The following DLGAP4 variants were observed in gnomAD, a reference collection of about 807,000 sequenced individuals.
DLGAP4 encodes the protein disks large-associated protein 4.
DLGAP4 carries 18 observed loss-of-function variants against 86.9 expected under a neutral mutation model. That is an observed-to-expected ratio of 0.21 (90% confidence interval 0.14 to 0.31). The LOEUF (loss-of-function observed/expected upper bound fraction) is 0.31, where lower values mean the gene tolerates loss of function less well. Among genes scored for constraint, DLGAP4 ranks in the 10% least tolerant of loss-of-function variants. DLGAP4 has a pLI of 1.00. For synonymous variants in DLGAP4, 548 were observed against 574.3 expected, an observed-to-expected ratio of 0.95 and a Z score of 0.65; for missense variants, 1,085 against 1,362.6, an observed-to-expected ratio of 0.80 and a Z score of 3.21.
intron 1 of DLGAP4, among the ~76,000 whole-genome samples, chr20:36,352,247 C>A (rs1215627998): frequency 6.6e-6 from 1 of 152,066 alleles, no homozygotes; most frequent in East Asian, 1.9e-4. Context: ...GGGACCAGAC[C>A]TTGTGGGGCC....
In DLGAP4 at chr20:36,431,664, G is replaced by A. The variant is rs2033133136; in HGVS notation, c.-54G>A. On this transcript the variant is annotated 5_prime_UTR_variant, in exon 3 of 13. Coordinates refer to ENST00000339266, the MANE Select transcript of DLGAP4 (RefSeq NM_001365621.2). The surrounding 1 kb of genome is among the most constrained non-coding windows in gnomAD (Gnocchi z 5.1). Reference sequence around the variant, plus strand: ...TCCCTAGGATAGCTGCCGCCCGGGAGAGGTGACCCGGGCGCCCTGCTAGGG... The same window carrying A: ...TCCCTAGGATAGCTGCCGCCCGGGAAAGGTGACCCGGGCGCCCTGCTAGGG... 2.0e-6 allele frequency: 3 copies of A among 1,513,290 alleles called. No homozygotes were observed. Among genetic ancestry groups the A allele is most frequent in the Non-Finnish European group, 2.7e-6 (3 of 1,130,238 alleles). The allele number at this position is 1,513,290 out of a possible 1,614,324, so 93.7% of individuals were successfully genotyped here.
chr20:36,322,619 A>G (rs903559265), intron 1 of DLGAP4, among the ~76,000 whole-genome samples: 13 of 152,192 alleles, frequency 8.5e-5, no homozygotes, highest in Non-Finnish European at 1.8e-4. Context: ...GGTAGCTCAT[A>G]TAATGTCACA....
chr20:36,468,193 C>T (rs1332638955), intron 7 of DLGAP4, among the ~76,000 whole-genome samples: 1 of 152,204 alleles, frequency 6.6e-6, no homozygotes, highest in Non-Finnish European at 1.5e-5. Context: ...TGAGAAGGTT[C>T]CGGAGTTGTG....
intron 4 of DLGAP4, among the ~76,000 whole-genome samples, chr20:36,436,682 G>A (rs1346018957): frequency 4.6e-5 from 7 of 152,138 alleles, no homozygotes; most frequent in South Asian, 2.1e-4. Flanking sequence ...CTGGGTTGGC[G>A]GCAGGCGCCT....
At chr20:36,342,434 C>T (rs1439208310) in intron 1 of DLGAP4, among the ~76,000 whole-genome samples, 1 of 152,160 alleles carries the variant, frequency 6.6e-6, no homozygotes, top group Non-Finnish European at 1.5e-5. Flanking sequence ...GGGCTGGAGG[C>T]CTCAGCCCAG....
rs1003998611 is a variant in DLGAP4 at position 36,483,554 on chromosome 20, A to T, written c.1649-13151A>T. ...TAACATGTGGGAATTCTGTACAGAG[A>T]AAAAAGGGGAAATGGGGCTGTTCTG... On this transcript the variant is annotated intron_variant, in intron 7 of 12. Transcript: ENST00000339266. Among the ~76,000 whole-genome samples, 7 of 152,320 alleles carry T rather than the reference A, an allele frequency of 4.6e-5. No individual in the cohort carries two copies. The East Asian group carries it at 1.3e-3, about 29-fold the overall frequency.
At chr20:36,342,737 G>A (rs1297319764) in intron 1 of DLGAP4, among the ~76,000 whole-genome samples, 1 of 152,220 alleles carries the variant, frequency 6.6e-6, no homozygotes, top group African/African-American at 2.4e-5. Flanking sequence ...GGCCCATGGA[G>A]GGGCCTTTGC....
chr20:36,380,673 G>T (rs558856778), intron 2 of DLGAP4, among the ~76,000 whole-genome samples: 1 of 147,918 alleles, frequency 6.8e-6, no homozygotes, highest in Admixed American at 6.8e-5. Context: ...GAATCTCAGA[G>T]GCAGGCAGGC....
intron 5 of DLGAP4, among the ~76,000 whole-genome samples, chr20:36,440,974 C>A (rs1165788844): frequency 6.6e-6 from 1 of 152,128 alleles, no homozygotes; most frequent in Non-Finnish European, 1.5e-5. Context: ...CTTCCCCAGC[C>A]CCTCAGACAT....
At chr20:36,488,435 C>CT (rs1346892260) in intron 7 of DLGAP4, among the ~76,000 whole-genome samples, 1 of 152,156 alleles carries the variant, frequency 6.6e-6, no homozygotes, top group Non-Finnish European at 1.5e-5. Context: ...TTCTCATTCA[C>CT]TGTAGTTATG....
Position 36,436,234 on chromosome 20 carries a change from C to T in DLGAP4, c.1125C>T (p.Asp375=). The T allele has an allele frequency of 6.2e-7, 1 of 1,605,572 alleles. No homozygotes were observed. ...GCAGCTACATCAAGGCCATGGGCGACGAGGACAGCGACGAGTCCGGCGGCA... is the reference window on the plus strand; with the variant it reads ...GCAGCTACATCAAGGCCATGGGCGATGAGGACAGCGACGAGTCCGGCGGCA... ...RSGSYIKAMG[D]EDSDESGGSP... The change falls in exon 4 of 13, where the codon GAC becomes GAT. Residue 375 remains aspartate, a synonymous_variant. Transcript: ENST00000339266.
In DLGAP4 at chr20:36,350,142, C is replaced by T. The variant is rs1426731428; in HGVS notation, c.-303-16903C>T. On this transcript the variant is annotated intron_variant, in intron 1 of 12. Coordinates refer to ENST00000339266, the MANE Select transcript of DLGAP4 (RefSeq NM_001365621.2). The surrounding 1 kb of genome is among the most constrained non-coding windows in gnomAD (Gnocchi z 4.4). ...TAGAGGAGGTGCCATGGGGACAGGACGGGGATCTGCACAGGGACCCAGAAG... is the reference window on the plus strand; with the variant it reads ...TAGAGGAGGTGCCATGGGGACAGGATGGGGATCTGCACAGGGACCCAGAAG... Among the ~76,000 whole-genome samples, 1 of 152,180 alleles carries T rather than the reference C, an allele frequency of 6.6e-6. No individual in the cohort carries two copies. Among genetic ancestry groups the T allele is most frequent in the Admixed American group, 6.5e-5 (1 of 15,280 alleles).
At chr20:36,386,331 C>G (rs1040266038) in intron 2 of DLGAP4, among the ~76,000 whole-genome samples, 1 of 151,328 alleles carries the variant, frequency 6.6e-6, no homozygotes. Flanking sequence ...CAGCACCTGT[C>G]AGCACAGAGC....
chr20:36,449,924 T>G (rs572068981), intron 7 of DLGAP4, among the ~76,000 whole-genome samples: 1 of 152,368 alleles, frequency 6.6e-6, no homozygotes, highest in Admixed American at 6.5e-5. Context: ...CTGCTCCACA[T>G]GTCTTTCATC....
intron 1 of DLGAP4, among the ~76,000 whole-genome samples, chr20:36,315,040 G>GTGTT (rs2065084671): frequency 2.0e-3 from 6 of 3,038 alleles, no homozygotes; most frequent in Middle Eastern, 0.12. Flanking sequence ...ATGTGTGTGT[G>GTGTT]GTGTGTTGCG....
intron 7 of DLGAP4, among the ~76,000 whole-genome samples, chr20:36,459,187 G>A (rs1249062893): frequency 2.0e-5 from 3 of 152,168 alleles, no homozygotes; most frequent in Admixed American, 2.0e-4. Context: ...CAGCCAGACT[G>A]GGGAGCTCTT....
intron 2 of DLGAP4, among the ~76,000 whole-genome samples, chr20:36,395,488 A>G (rs1449598371): frequency 6.6e-6 from 1 of 152,004 alleles, no homozygotes; most frequent in Non-Finnish European, 1.5e-5. Flanking sequence ...TATCACAGTC[A>G]GCACTGCCTT....
rs556666712 is a variant in DLGAP4, at chr20:36,524,490, G to A, written c.2604+149G>A. The A allele has an allele frequency of 1.1e-5, 7 of 653,622 alleles. No individual in the cohort carries two copies. In the East Asian group the frequency reaches 1.4e-4, roughly 13 times the overall value. 40.5% of individuals were successfully genotyped at this position (653,622 alleles called of 1,614,324 possible). ...TGCTGGAAGGACAGTGGCAATGTGTGTCAGTGTCTAGCACAAGAAAGGGGG... is the reference window on the plus strand; with the variant it reads ...TGCTGGAAGGACAGTGGCAATGTGTATCAGTGTCTAGCACAAGAAAGGGGG... On this transcript the variant is annotated intron_variant, in intron 11 of 12. Coordinates refer to ENST00000339266, the MANE Select transcript of DLGAP4 (RefSeq NM_001365621.2).
chr20:36,407,028 C>A (rs2032344580), intron 2 of DLGAP4, among the ~76,000 whole-genome samples: 2 of 152,076 alleles, frequency 1.3e-5, no homozygotes, highest in Admixed American at 1.3e-4. Context: ...CGTATCCTAG[C>A]TCTGCTACTT....
Sources: gnomAD v4.1 joint callset for allele counts (sites outside exome capture counted in the v4.1 genomes callset) on GRCh38, gnomAD v4.1.1 for gene constraint, Gnocchi (gnomAD v3.1) non-coding constraint, MANE v1.5 for transcripts, NCBI Gene and HGNC (gene_info 2026-07-23, HGNC 2026-07-21) for gene names.